The following ADD2 variants were observed in gnomAD, a reference collection of about 807,000 sequenced individuals.
ADD2 encodes the protein adducin 2.
In ADD2, 23 loss-of-function variants were observed where a neutral mutation model predicts 83.0. That is an observed-to-expected ratio of 0.28 (90% CI 0.20 to 0.39). The LOEUF is 0.39. ADD2 is among the 10% of genes least tolerant of loss of function. The pLI, the probability that ADD2 is intolerant of heterozygous loss-of-function variation, is 1.00. For synonymous variants in ADD2, 375 were observed against 375.4 expected (o/e 1.00, Z 0.01); for missense variants, 758 against 944.9 (o/e 0.80, Z 2.59).
Position 70,673,537 on chromosome 2 carries a change from C to T in ADD2, c.1742-531G>A, listed in dbSNP as rs563767831. 2.0e-5 allele frequency among the ~76,000 whole-genome samples: 3 copies of T among 152,332 alleles called. No individual in the cohort carries two copies. In the East Asian group the frequency reaches 5.8e-4, roughly 29 times the overall value. Reference sequence around the variant, plus strand: ...CCTAGGGATAAAAAGTGCCATGTTCCTCTATTTGCTTTTCAATTGGCACAT... The same window carrying T: ...CCTAGGGATAAAAAGTGCCATGTTCTTCTATTTGCTTTTCAATTGGCACAT... On this transcript the variant is annotated intron_variant, in intron 14 of 15. Transcript: ENST00000264436.
intron 4 of ADD2, among the ~76,000 whole-genome samples, chr2:70,702,362 TCA>T (rs1246187215): frequency 6.6e-6 from 1 of 152,080 alleles, no homozygotes; most frequent in Non-Finnish European, 1.5e-5. Flanking sequence ...AGACAGGGTG[TCA>T]CCATGTTGGC....
rs1553365399 is a variant in ADD2 at position 70,663,373 on chromosome 2, A to G, written c.*52T>C. The G allele has an allele frequency of 6.5e-7, 1 of 1,536,188 alleles. No homozygotes were observed. The highest frequency in any genetic ancestry group is 1.4e-5 in the African/African-American group (1 of 72,978). On this transcript the variant is annotated 3_prime_UTR_variant, in exon 16 of 16. Coordinates refer to ENST00000264436, the MANE Select transcript of ADD2 (RefSeq NM_001617.4). ...TGCTTGCAGGGACAGAGATGGGAGA[A>G]GGGAAGGGGAGGAGAGAGAGGAGGC...
chr2:70,671,699 T>A (rs1160348235), intron 15 of ADD2, among the ~76,000 whole-genome samples: 7 of 152,166 alleles, frequency 4.6e-5, no homozygotes, highest in African/African-American at 1.7e-4. Flanking sequence ...TCGGGGTACA[T>A]CCACTTGGGG....
At chr2:70,767,623 G>A (rs997787040) in intron 1 of ADD2, 1 of 1,283,436 alleles carries the variant, frequency 7.8e-7, no homozygotes, top group Non-Finnish European at 9.8e-7. Flanking sequence ...GTTACGCTCC[G>A]GGCGAGGGTC....
intron 4 of ADD2, among the ~76,000 whole-genome samples, chr2:70,696,645 GGGTTCTGGGAATGCCACACA>G (rs1319049271): frequency 1.1e-4 from 17 of 152,172 alleles, no homozygotes; most frequent in African/African-American, 3.9e-4. Flanking sequence ...ACAGAATGAA[GGGTTCTGGGAATGCCACACA>G]GGTTCTGGGA....
Position 70,676,288 on chromosome 2 carries a change from G to C in ADD2, c.1593+508C>G. On this transcript the variant is annotated intron_variant, in intron 13 of 15. Transcript: ENST00000264436. The surrounding 1 kb of genome is among the most constrained non-coding windows in gnomAD (Gnocchi z 4.8). ...ACTTTCTAACTCAATGTGGGTTTGT[G>C]TGGGTAATATTGTCCCTTCCCATCC... The C allele has an allele frequency of 3.0e-6, 3 of 998,310 alleles. No individual in the cohort carries two copies. The highest frequency in any genetic ancestry group is 3.6e-6 in the Non-Finnish European group (3 of 838,884). 61.8% of individuals were successfully genotyped at this position (998,310 alleles called of 1,614,324 possible).
chr2:70,732,616 T>G (rs1673342775), intron 1 of ADD2, among the ~76,000 whole-genome samples: 1 of 151,226 alleles, frequency 6.6e-6, no homozygotes, highest in African/African-American at 2.4e-5. Flanking sequence ...ATGTCAGAGG[T>G]GAGCATGGAG....
In ADD2 at chr2:70,673,901, T is replaced by C. The variant is rs1414221915; in HGVS notation, c.1741+777A>G. On this transcript the variant is annotated intron_variant, in intron 14 of 15. Coordinates refer to ENST00000264436, the MANE Select transcript of ADD2 (RefSeq NM_001617.4). The stretch of plus-strand genomic sequence containing the variant: ...CCATTCCTGGCCAGCAAGGGTTTTT[T>C]AAGTGTCTGCTTTGTGTCCAGGAAG... 3.5e-4 allele frequency among the ~76,000 whole-genome samples: 54 copies of C among 152,226 alleles called. 3 individuals carry two copies.
At chr2:70,737,544 G>A (rs1252811333) in intron 1 of ADD2, among the ~76,000 whole-genome samples, 4 of 137,082 alleles carry the variant, frequency 2.9e-5, no homozygotes, top group African/African-American at 1.1e-4. Flanking sequence ...TTGGACACAG[G>A]AAGGGGAACA....
At position 70,750,962 on chromosome 2, in the gene ADD2, G is replaced by T. The variant is rs137866642; in HGVS notation, c.-154+16924C>A. ...ATATTTTACATTCTTATAAAAAATT[G>T]ATATGCTTCCTGTCACGTTTCCTTG... is the stretch of plus-strand genomic sequence containing the variant. On this transcript the variant is annotated intron_variant, in intron 1 of 15. Transcript: ENST00000264436. Among the ~76,000 whole-genome samples, 587 of 152,204 alleles carry T rather than the reference G, an allele frequency of 3.9e-3. 7 individuals are homozygous for T. The highest frequency in any genetic ancestry group is 0.013 in the African/African-American group (544 of 41,544).
chr2:70,718,576 G>A (rs1363163257), intron 1 of ADD2, among the ~76,000 whole-genome samples: 1 of 152,178 alleles, frequency 6.6e-6, no homozygotes, highest in African/African-American at 2.4e-5. Flanking sequence ...CACATAATGA[G>A]GACCAAGGTC....
intron 10 of ADD2, among the ~76,000 whole-genome samples, chr2:70,679,705 A>T (rs2104256255): frequency 6.6e-6 from 1 of 152,136 alleles, no homozygotes; most frequent in South Asian, 2.1e-4. Flanking sequence ...ATTAAAAAAA[A>T]TAAGGAAAAA....
intron 1 of ADD2, among the ~76,000 whole-genome samples, chr2:70,761,805 G>A (rs1675118802): frequency 2.0e-5 from 3 of 150,434 alleles, no homozygotes. Context: ...CCGAGTAGCT[G>A]GGACTACAGG....
Position 70,678,886 on chromosome 2 carries a change from G to A in ADD2, c.1201C>T (p.Pro401Ser). 2 of 1,614,192 alleles carry A rather than the reference G, an allele frequency of 1.2e-6. No individual in the cohort carries two copies. The highest frequency in any genetic ancestry group is 1.7e-6 in the Non-Finnish European group (2 of 1,180,042). Residue 401 changes from proline (P) to serine (S), a missense_variant, in exon 11 of 16, where the codon CCA (proline) becomes TCA (serine). Pro to Ser is a moderately conservative substitution (Grantham distance 74, BLOSUM62 -1). Around this residue, in one of 5 missense-constraint regions of ADD2, gnomAD observed 394 missense variants for 509.3 expected, o/e 0.77. Transcript: ENST00000264436. ...KTKHKSEVEI[P>S]ATVTAFVFEE... is the part of the protein sequence containing the mutation. ...AACACGAAGGCTGTGACCGTGGCTG[G>A]AATCTCCACCTCACTTTTGTGTTTG...
In ADD2 at chr2:70,660,195, A is replaced by G. The variant is rs1031993656; in HGVS notation, c.*3230T>C. The G allele has an allele frequency of 1.4e-4, 21 of 152,234 alleles. No homozygotes were observed. The highest frequency in any genetic ancestry group is 2.8e-4 in the Non-Finnish European group (19 of 68,050). 9.4% of individuals were successfully genotyped at this position (152,234 alleles called of 1,614,324 possible). A position where few individuals can be genotyped will look rare whatever the true frequency, so the allele number is the denominator to read the frequency against. On this transcript the variant is annotated 3_prime_UTR_variant, in exon 16 of 16. Coordinates refer to ENST00000264436, the MANE Select transcript of ADD2 (RefSeq NM_001617.4). The stretch of plus-strand genomic sequence containing the variant: ...GTGCCACATTCTGTGCAAGGGAAGA[A>G]GAAATGGCAGGATGGCTGGACACCT...
At chr2:70,767,091 C>T (rs1553386182) in intron 1 of ADD2, among the ~76,000 whole-genome samples, 2 of 152,174 alleles carry the variant, frequency 1.3e-5, no homozygotes, top group Non-Finnish European at 2.9e-5. Context: ...CAGTCTGCCC[C>T]TCCCTCCCTT....
rs945072797 is a variant in ADD2 at position 70,659,469 on chromosome 2, A to C, written c.*3956T>G. 1 of 152,248 alleles carries C rather than the reference A, an allele frequency of 6.6e-6. No homozygotes were observed. The highest frequency in any genetic ancestry group is 1.9e-4 in the East Asian group (1 of 5,192). 9.4% of individuals were successfully genotyped at this position (152,248 alleles called of 1,614,324 possible). A position where few individuals can be genotyped will look rare whatever the true frequency, so the allele number is the denominator to read the frequency against. On this transcript the variant is annotated 3_prime_UTR_variant, in exon 16 of 16. Transcript: ENST00000264436. ...GGAATGGGATTCAAATTCAGTCTAC[A>C]TGGATCAGTGGCAGAGGGCAGTGCT...
At position 70,766,398 on chromosome 2, in the gene ADD2, C is replaced by T. The variant is rs563407330; in HGVS notation, c.-154+1488G>A. On this transcript the variant is annotated intron_variant, in intron 1 of 15. Coordinates refer to ENST00000264436, the MANE Select transcript of ADD2 (RefSeq NM_001617.4). ...TCACATTACACAATTAAAGTAGAAC[C>T]TTATAAAGTAAAAATATTAAATGGT... 4.9e-4 allele frequency among the ~76,000 whole-genome samples: 75 copies of T among 152,260 alleles called. 2 individuals are homozygous for T. The South Asian group carries it at 0.016, about 32-fold the overall frequency.
intron 1 of ADD2, among the ~76,000 whole-genome samples, chr2:70,716,130 G>A (rs1553376334): frequency 6.6e-6 from 1 of 152,020 alleles, no homozygotes; most frequent in Non-Finnish European, 1.5e-5. Flanking sequence ...AATATAAAGT[G>A]TTAAATCCAA....
Sources: gnomAD v4.1 joint callset for allele counts (sites outside exome capture counted in the v4.1 genomes callset) on GRCh38, gnomAD v4.1.1 for gene constraint, gnomAD v4.1.1 regional missense constraint, Gnocchi (gnomAD v3.1) non-coding constraint, MANE v1.5 for transcripts, NCBI Gene and HGNC (gene_info 2026-07-23, HGNC 2026-07-21) for gene names.